Variants in GALNT10 observed in about 807,000 individuals in gnomAD.
The protein encoded by GALNT10 is GalNAc transferase 10.
In GALNT10, 41 loss-of-function variants were observed where a neutral mutation model predicts 75.0. The ratio of observed to expected loss-of-function variants is 0.55; its 90% CI spans 0.43 to 0.71. The LOEUF is 0.71. Ranked by LOEUF, GALNT10 falls within the 30% of genes least tolerant of loss-of-function variation. The pLI is 0.00. For synonymous variants in GALNT10, 302 were observed against 313.0 expected (o/e 0.96, Z 0.37); for missense variants, 727 against 818.5 (o/e 0.89, Z 1.36).
At chr5:154,223,580 G>A (rs937342048) in intron 1 of GALNT10, among the ~76,000 whole-genome samples, 2 of 152,216 alleles carry the variant, frequency 1.3e-5, no homozygotes, top group African/African-American at 4.8e-5. Flanking sequence ...GGCCTTGAAG[G>A]ATGTACTTAA....
chr5:154,329,971 A>AAAAAAC, intron 4 of GALNT10: 2 of 367,018 alleles, frequency 5.4e-6, no homozygotes, highest in Non-Finnish European at 9.9e-6. Flanking sequence ...CAAAAAAAAA[A>AAAAAAC]AAAAAACAGA....
At chr5:154,378,317 T>TATC (rs111591729) in intron 5 of GALNT10, among the ~76,000 whole-genome samples, 82 of 150,938 alleles carry the variant, frequency 5.4e-4, no homozygotes, top group East Asian at 1.8e-3. Context: ...TTTCCTTTTT[T>TATC]ATCATCATCA....
intron 1 of GALNT10, among the ~76,000 whole-genome samples, chr5:154,238,598 G>C (rs777256931): frequency 1.3e-5 from 2 of 152,302 alleles, no homozygotes; most frequent in East Asian, 3.9e-4. Flanking sequence ...AGCACTGGAA[G>C]TGTCTGCGGT....
intron 1 of GALNT10, among the ~76,000 whole-genome samples, chr5:154,283,813 A>G (rs1190338121): frequency 6.6e-6 from 1 of 152,232 alleles, no homozygotes; most frequent in Non-Finnish European, 1.5e-5. Context: ...GTGGAAATCA[A>G]CCAGTGGGTC....
chr5:154,283,763 G>T (rs1754075868), intron 1 of GALNT10, among the ~76,000 whole-genome samples: 1 of 152,156 alleles, frequency 6.6e-6, no homozygotes, highest in South Asian at 2.1e-4. Flanking sequence ...GGGGACCTTT[G>T]CAAGCAGTGA....
chr5:154,264,923 TATGACTTC>T (rs1480210254), intron 1 of GALNT10, among the ~76,000 whole-genome samples: 2 of 152,188 alleles, frequency 1.3e-5, no homozygotes, highest in Non-Finnish European at 2.9e-5. Context: ...TGGGCTTTCT[TATGACTTC>T]CAGTGGGCCA....
intron 1 of GALNT10, among the ~76,000 whole-genome samples, chr5:154,279,306 T>TTTG (rs1197440078): frequency 8.1e-4 from 116 of 143,274 alleles, no homozygotes; most frequent in African/African-American, 3.2e-3. Flanking sequence ...GTTGTTTTGT[T>TTTG]TTTTTTTTTT....
intron 1 of GALNT10, among the ~76,000 whole-genome samples, chr5:154,214,955 G>C (rs1752843053): frequency 6.6e-6 from 1 of 152,148 alleles, no homozygotes; most frequent in South Asian, 2.1e-4. Context: ...CAGGGCTGTG[G>C]CAATGATTAA....
Position 154,352,115 on chromosome 5 carries a change from C to T in GALNT10, c.568+22377C>T, listed in dbSNP as rs1322242146. Among the ~76,000 whole-genome samples, 1 of 152,250 alleles carries T rather than the reference C, an allele frequency of 6.6e-6. No individual in the cohort carries two copies. The highest frequency in any genetic ancestry group is 1.5e-5 in the Non-Finnish European group (1 of 68,038). On this transcript the variant is annotated intron_variant, in intron 4 of 11. Coordinates refer to ENST00000297107, the MANE Select transcript of GALNT10 (RefSeq NM_198321.4). This position sits in a 1 kb window ranked among gnomAD's most constrained non-coding sequence, Gnocchi z 4.4. ...TTAGGGAATATTTATGAAATACCCA[C>T]TCTGTATCTGTTTACCAGATACCTG...
At chr5:154,246,305 G>C (rs919484466) in intron 1 of GALNT10, among the ~76,000 whole-genome samples, 6 of 152,262 alleles carry the variant, frequency 3.9e-5, no homozygotes, top group African/African-American at 1.4e-4. Context: ...ATGATTTATA[G>C]TCCTTTGGGT....
At chr5:154,288,768 G>T (rs1177334144) in intron 1 of GALNT10, among the ~76,000 whole-genome samples, 1 of 152,130 alleles carries the variant, frequency 6.6e-6, no homozygotes, top group African/African-American at 2.4e-5. Flanking sequence ...ATTACCTCTG[G>T]ATTGAAAAAT....
rs771322708 is a variant in GALNT10, at chr5:154,409,425, T to C, written c.1165-116T>C. On this transcript the variant is annotated intron_variant, in intron 8 of 11. Transcript: ENST00000297107. This position sits in a 1 kb window ranked among gnomAD's most constrained non-coding sequence, Gnocchi z 4.5. The stretch of plus-strand genomic sequence containing the variant: ...TAAACTCACGGTGGGGCTGGGATTT[T>C]TGATGGAACATAAAATAAGAAGGGT... The C allele has an allele frequency of 9.0e-6, 7 of 780,646 alleles. No individual in the cohort carries two copies. The highest frequency in any genetic ancestry group is 1.4e-5 in the Non-Finnish European group (6 of 426,430). The allele number at this position is 780,646 out of a possible 1,614,324, so 48.4% of individuals were successfully genotyped here.
intron 3 of GALNT10, among the ~76,000 whole-genome samples, chr5:154,323,217 TA>T (rs1754703284): frequency 6.6e-6 from 1 of 152,146 alleles, no homozygotes; most frequent in South Asian, 2.1e-4. Context: ...GTTAAAACTC[TA>T]AAAGTTAGCC....
At chr5:154,328,170 T>A (rs578196790) in intron 3 of GALNT10, among the ~76,000 whole-genome samples, 1 of 152,048 alleles carries the variant, frequency 6.6e-6, no homozygotes, top group Non-Finnish European at 1.5e-5. Context: ...CTTGTTTTGA[T>A]CCTGTATTAA....
At position 154,412,850 on chromosome 5, in the gene GALNT10, G is replaced by C; in HGVS notation, c.1387-39G>C. 1 of 1,422,026 alleles carries C rather than the reference G, an allele frequency of 7.0e-7. No homozygotes were observed. Among genetic ancestry groups the C allele is most frequent in the Non-Finnish European group, 9.9e-7 (1 of 1,005,934 alleles). The allele number at this position is 1,422,026 out of a possible 1,614,324, so 88.1% of individuals were successfully genotyped here. Reference sequence around the variant, plus strand: ...GCAGGGACCCGGTGGGCACCTTAAGGCACCTCAGTGGTCCACTTCTTCCCT... The same window carrying C: ...GCAGGGACCCGGTGGGCACCTTAAGCCACCTCAGTGGTCCACTTCTTCCCT... On this transcript the variant is annotated intron_variant, in intron 9 of 11. Transcript: ENST00000297107. The surrounding 1 kb of genome is among the most constrained non-coding windows in gnomAD (Gnocchi z 4.2).
chr5:154,322,349 G>A (rs1279224789), intron 3 of GALNT10, among the ~76,000 whole-genome samples: 1 of 152,128 alleles, frequency 6.6e-6, no homozygotes, highest in Non-Finnish European at 1.5e-5. Context: ...GCAACCGTGG[G>A]TGGAGTCCCT....
intron 1 of GALNT10, among the ~76,000 whole-genome samples, chr5:154,209,630 A>G (rs928186008): frequency 2.0e-5 from 3 of 152,222 alleles, no homozygotes; most frequent in Non-Finnish European, 4.4e-5. Flanking sequence ...GAGAGCAGAA[A>G]GAGAGCAAGC....
intron 4 of GALNT10, among the ~76,000 whole-genome samples, chr5:154,356,841 A>G (rs1350125197): frequency 2.0e-5 from 3 of 152,182 alleles, no homozygotes; most frequent in Admixed American, 6.5e-5. Flanking sequence ...GTTTTGAGGG[A>G]CCCGTTATCA....
intron 1 of GALNT10, among the ~76,000 whole-genome samples, chr5:154,223,203 G>A (rs543897654): frequency 2.0e-5 from 3 of 152,300 alleles, no homozygotes; most frequent in South Asian, 2.1e-4. Context: ...AGGGAGAGGC[G>A]TAAGGCATGC....
Sources: allele counts gnomAD v4.1 joint callset (sites outside exome capture counted in the v4.1 genomes callset), GRCh38; gene constraint gnomAD v4.1.1; non-coding constraint Gnocchi (gnomAD v3.1); transcripts MANE v1.5; gene names NCBI Gene and HGNC (gene_info 2026-07-23, HGNC 2026-07-21).